Variants in LHFPL3 observed in about 807,000 individuals in gnomAD.
LHFPL3 encodes the protein LHFPL tetraspan subfamily member 3 protein.
In LHFPL3, 5 loss-of-function variants were observed where a neutral mutation model predicts 19.3. The observed-to-expected ratio is 0.26, with a 90% CI of 0.14 to 0.54. LHFPL3 has a LOEUF of 0.54. Ranked by LOEUF, LHFPL3 falls within the 20% of genes least tolerant of loss-of-function variation. The pLI is 0.94. For missense variants in LHFPL3, 249 were observed against 307.4 expected, an observed-to-expected ratio of 0.81 and a Z score of 1.42; for synonymous variants, 133 against 126.2, an observed-to-expected ratio of 1.05 and a Z score of -0.36.
intron 1 of LHFPL3, among the ~76,000 whole-genome samples, chr7:104,330,044 T>G (rs1043323859): frequency 6.6e-6 from 1 of 152,234 alleles, no homozygotes; most frequent in African/African-American, 2.4e-5. Context: ...GGATGATAAA[T>G]TGTTGCTAGC....
intron 1 of LHFPL3, among the ~76,000 whole-genome samples, chr7:104,496,615 A>G (rs1584359933): frequency 6.6e-6 from 1 of 152,192 alleles, no homozygotes; most frequent in Middle Eastern, 3.4e-3. Context: ...ATTTCTCCAC[A>G]TCCTCTCCAG....
intron 1 of LHFPL3, among the ~76,000 whole-genome samples, chr7:104,579,394 C>T (rs958662207): frequency 6.6e-6 from 1 of 152,156 alleles, no homozygotes; most frequent in Non-Finnish European, 1.5e-5. Context: ...CTCCCACTGA[C>T]AAGTGAGAAC....
chr7:104,335,998 A>G (rs1789800900), intron 1 of LHFPL3, among the ~76,000 whole-genome samples: 1 of 152,188 alleles, frequency 6.6e-6, no homozygotes. Context: ...CGAAGCAAAT[A>G]ACGCTCTAGG....
intron 2 of LHFPL3, among the ~76,000 whole-genome samples, chr7:104,808,652 G>C (rs1184101655): frequency 1.3e-5 from 2 of 152,074 alleles, no homozygotes; most frequent in East Asian, 1.9e-4. Flanking sequence ...GTAAGTCTTT[G>C]GTCTTTCCGT....
intron 1 of LHFPL3, among the ~76,000 whole-genome samples, chr7:104,457,231 T>A (rs190318429): frequency 6.6e-6 from 1 of 151,930 alleles, no homozygotes; most frequent in Non-Finnish European, 1.5e-5. Flanking sequence ...AACTCGTCAT[T>A]TAGCATTAGG....
Position 104,774,775 on chromosome 7 carries a change from A to G in LHFPL3, c.682+37864A>G, listed in dbSNP as rs1794613461. 2.0e-5 allele frequency among the ~76,000 whole-genome samples: 3 copies of G among 152,152 alleles called. No homozygotes were observed. In the South Asian group the frequency reaches 6.2e-4, roughly 31 times the overall value. ...AGTTCTTTCTGATCATGTTCCTTTT[A>G]CAGAGTTTTGCTCTGAGAATCTCTG... On this transcript the variant is annotated intron_variant, in intron 2 of 2. Coordinates refer to ENST00000424859, the MANE Select transcript of LHFPL3 (RefSeq NM_199000.3).
intron 2 of LHFPL3, among the ~76,000 whole-genome samples, chr7:104,859,812 A>T (rs1363927549): frequency 2.0e-5 from 3 of 152,234 alleles, no homozygotes; most frequent in African/African-American, 7.2e-5. Context: ...GTATAATACT[A>T]AAAGTGTACT....
chr7:104,624,969 C>T (rs550108899), intron 1 of LHFPL3, among the ~76,000 whole-genome samples: 48 of 152,290 alleles, frequency 3.2e-4, no homozygotes, highest in African/African-American at 9.9e-4. Flanking sequence ...GGATAATAAA[C>T]ATTGTGTTTT....
intron 1 of LHFPL3, among the ~76,000 whole-genome samples, chr7:104,614,602 T>C (rs530659817): frequency 1.7e-5 from 2 of 119,454 alleles, no homozygotes; most frequent in South Asian, 6.7e-4. Flanking sequence ...TCTTCTCTTC[T>C]CTTCTCTTCT....
chr7:104,804,987 A>C (rs1364164286), intron 2 of LHFPL3, among the ~76,000 whole-genome samples: 3 of 152,148 alleles, frequency 2.0e-5, no homozygotes, highest in Non-Finnish European at 4.4e-5. Context: ...CACCCCTTTT[A>C]GAATCTCTCC....
intron 2 of LHFPL3, among the ~76,000 whole-genome samples, chr7:104,844,553 T>G (rs1047767780): frequency 1.3e-5 from 2 of 152,246 alleles, no homozygotes; most frequent in African/African-American, 2.4e-5. Flanking sequence ...TTGATTATTT[T>G]TCTTATTGAG....
intron 2 of LHFPL3, among the ~76,000 whole-genome samples, chr7:104,816,079 G>A (rs528065700): frequency 6.6e-6 from 1 of 152,204 alleles, no homozygotes; most frequent in South Asian, 2.1e-4. Context: ...CTCTGCAGCA[G>A]CCTTGACCTT....
chr7:104,720,532 T>C (rs536466575), intron 1 of LHFPL3, among the ~76,000 whole-genome samples: 12 of 152,000 alleles, frequency 7.9e-5, no homozygotes, highest in Admixed American at 2.6e-4. Flanking sequence ...AAAACCGAAA[T>C]TGACAAATGG....
intron 1 of LHFPL3, among the ~76,000 whole-genome samples, chr7:104,641,631 A>T (rs530870273): frequency 6.6e-6 from 1 of 152,184 alleles, no homozygotes; most frequent in East Asian, 1.9e-4. Context: ...GTGGATAGTC[A>T]CTCTGCTGAT....
At chr7:104,330,005 A>T (rs1334305721) in intron 1 of LHFPL3, among the ~76,000 whole-genome samples, 1 of 152,008 alleles carries the variant, frequency 6.6e-6, no homozygotes, top group Non-Finnish European at 1.5e-5. Context: ...AGAATGTTTC[A>T]TTAGCATCTC....
intron 1 of LHFPL3, among the ~76,000 whole-genome samples, chr7:104,690,964 G>T (rs894408491): frequency 1.3e-5 from 2 of 152,202 alleles, no homozygotes; most frequent in African/African-American, 4.8e-5. Context: ...TAAAGCCTTT[G>T]GAAGGCCCCC....
At chr7:104,555,453 C>A (rs779567329) in intron 1 of LHFPL3, among the ~76,000 whole-genome samples, 1 of 152,074 alleles carries the variant, frequency 6.6e-6, no homozygotes, top group Non-Finnish European at 1.5e-5. Context: ...ACATGGATGG[C>A]GGCAGGCAAA....
intron 1 of LHFPL3, among the ~76,000 whole-genome samples, chr7:104,562,474 T>A (rs1366463431): frequency 1.3e-5 from 2 of 152,238 alleles, no homozygotes; most frequent in Non-Finnish European, 2.9e-5. Context: ...ATTGATCGCA[T>A]CGGCTCCTGA....
chr7:104,473,584 C>T (rs1188461034), intron 1 of LHFPL3, among the ~76,000 whole-genome samples: 1 of 152,190 alleles, frequency 6.6e-6, no homozygotes, highest in Non-Finnish European at 1.5e-5. Context: ...GGAGTCAGAA[C>T]AGCCTGGATT....
Sources: allele counts gnomAD v4.1 joint callset (sites outside exome capture counted in the v4.1 genomes callset), GRCh38; gene constraint gnomAD v4.1.1; transcripts MANE v1.5; gene names NCBI Gene and HGNC (gene_info 2026-07-23, HGNC 2026-07-21).